Variants in MAPRE1 observed in about 807,000 individuals in gnomAD.
The protein encoded by MAPRE1 is microtubule associated protein RP/EB family member 1.
MAPRE1 carries 5 observed loss-of-function variants against 32.1 expected under a neutral mutation model. The ratio of observed to expected loss-of-function variants is 0.16; its 90% CI spans 0.08 to 0.33. The LOEUF is 0.33. Among genes scored for constraint, MAPRE1 ranks in the 10% least tolerant of loss-of-function variants. MAPRE1 has a pLI of 1.00. For missense variants in MAPRE1, 209 were observed against 327.2 expected, an observed-to-expected ratio of 0.64 and a Z score of 2.79; for synonymous variants, 122 against 118.9, an observed-to-expected ratio of 1.03 and a Z score of -0.17.
At chr20:32,845,439 A>C (rs1055324065) in intron 5 of MAPRE1, among the ~76,000 whole-genome samples, 1 of 152,166 alleles carries the variant, frequency 6.6e-6, no homozygotes, top group African/African-American at 2.4e-5. Context: ...GGTTTGGTCT[A>C]ACAAGACTTT....
At chr20:32,833,209 A>G (rs1211049355) in intron 2 of MAPRE1, among the ~76,000 whole-genome samples, 2 of 152,178 alleles carry the variant, frequency 1.3e-5, no homozygotes, top group Admixed American at 6.5e-5. Flanking sequence ...CGAAAAGAAA[A>G]GAAAAGAAAT....
intron 3 of MAPRE1, among the ~76,000 whole-genome samples, chr20:32,835,984 TG>T (rs1339588421): frequency 6.6e-6 from 1 of 150,618 alleles, no homozygotes; most frequent in Non-Finnish European, 1.5e-5. Flanking sequence ...TTTTCTTAAA[TG>T]GGGTCTCTCT....
At position 32,848,885 on chromosome 20, in the gene MAPRE1, C is replaced by G; in HGVS notation, c.*157C>G. ...AGTGCACTTTGCAGACGTTTCACTC[C>G]TTTTCCAATAAGTTTGAGTTAGGAG... On this transcript the variant is annotated 3_prime_UTR_variant, in exon 7 of 7. Coordinates refer to ENST00000375571, the MANE Select transcript of MAPRE1 (RefSeq NM_012325.3). The G allele has an allele frequency of 1.8e-6, 1 of 553,810 alleles. No individual in the cohort carries two copies. Among genetic ancestry groups the G allele is most frequent in the Non-Finnish European group, 3.1e-6 (1 of 321,334 alleles). 34.3% of individuals were successfully genotyped at this position (553,810 alleles called of 1,614,324 possible).
At chr20:32,843,849 GTT>G (rs58476543) in intron 5 of MAPRE1, among the ~76,000 whole-genome samples, 2 of 143,076 alleles carry the variant, frequency 1.4e-5, no homozygotes, top group African/African-American at 2.5e-5. Context: ...CTAGCTACAG[GTT>G]TTTTTTTTTT....
rs925653915 is a variant in MAPRE1, at chr20:32,848,884, C to G, written c.*156C>G. ...AAGTGCACTTTGCAGACGTTTCACT[C>G]CTTTTCCAATAAGTTTGAGTTAGGA... On this transcript the variant is annotated 3_prime_UTR_variant, in exon 7 of 7. Coordinates refer to ENST00000375571, the MANE Select transcript of MAPRE1 (RefSeq NM_012325.3). The G allele has an allele frequency of 9.0e-6, 5 of 554,934 alleles. No homozygotes were observed. The highest frequency in any genetic ancestry group is 1.6e-5 in the Non-Finnish European group (5 of 322,242). The allele number at this position is 554,934 out of a possible 1,614,324, so 34.4% of individuals were successfully genotyped here.
chr20:32,847,165 C>CT (rs1423512612), intron 6 of MAPRE1, among the ~76,000 whole-genome samples: 1 of 152,210 alleles, frequency 6.6e-6, no homozygotes, highest in Non-Finnish European at 1.5e-5. Context: ...CACATGCTCC[C>CT]TTTTTCACGG....
At chr20:32,845,411 G>C (rs1396228194) in intron 5 of MAPRE1, among the ~76,000 whole-genome samples, 3 of 152,154 alleles carry the variant, frequency 2.0e-5, no homozygotes, top group African/African-American at 7.2e-5. Context: ...GTGAAAGGCT[G>C]TCTAGAACTG....
intron 4 of MAPRE1, among the ~76,000 whole-genome samples, chr20:32,837,134 AG>A (rs772303046): frequency 6.6e-6 from 1 of 152,210 alleles, no homozygotes; most frequent in Non-Finnish European, 1.5e-5. Flanking sequence ...TACTGTATGC[AG>A]TTTTGCCAAA....
chr20:32,825,149 CAAAA>C (rs542454683), intron 1 of MAPRE1, among the ~76,000 whole-genome samples: 5 of 81,390 alleles, frequency 6.1e-5, no homozygotes, highest in Non-Finnish European at 5.0e-5. Context: ...AAGACTGTCT[CAAAA>C]AAAAAAAAAA....
chr20:32,829,953 T>A (rs1327322325), intron 2 of MAPRE1, among the ~76,000 whole-genome samples: 2 of 151,894 alleles, frequency 1.3e-5, no homozygotes, highest in African/African-American at 2.4e-5. Flanking sequence ...AGAGAATGAT[T>A]TTTATGAGAG....
intron 6 of MAPRE1, 65 bp downstream of exon 6, chr20:32,846,835 TG>T: frequency 2.6e-6 from 4 of 1,517,928 alleles, no homozygotes; most frequent in Non-Finnish European, 3.6e-6. Context: ...AACTCTGTGC[TG>T]ATGCTTGTTG....
chr20:32,842,147 G>T (rs1023237344), intron 5 of MAPRE1, among the ~76,000 whole-genome samples: 1 of 151,750 alleles, frequency 6.6e-6, no homozygotes, highest in Non-Finnish European at 1.5e-5. Context: ...GTGCAGTGGC[G>T]CGATCTTTGC....
intron 2 of MAPRE1, among the ~76,000 whole-genome samples, chr20:32,828,989 C>T (rs899684578): frequency 3.3e-5 from 5 of 151,506 alleles, no homozygotes; most frequent in African/African-American, 7.3e-5. Context: ...GGCGTGATCT[C>T]GGCTCACTGC....
chr20:32,821,711 C>A (rs191660000), intron 1 of MAPRE1, among the ~76,000 whole-genome samples: 1 of 152,230 alleles, frequency 6.6e-6, no homozygotes, highest in Non-Finnish European at 1.5e-5. Context: ...GGTGGCACCT[C>A]CTTCCCCCAC....
rs1395421880 is a variant in MAPRE1, at chr20:32,836,744, T to G, written c.378T>G (p.Pro126=). The part of the protein sequence containing the change: ...DANYDGKDYD[P]VAARQGQETA... ...ACTATGATGGAAAAGACTATGACCC[T>G]GTGGCTGCCAGACAAGGTCAAGAAA... Residue 126 remains proline (P), a synonymous_variant, in exon 4 of 7, where the codon CCT becomes CCG. Coordinates refer to ENST00000375571, the MANE Select transcript of MAPRE1 (RefSeq NM_012325.3). 49 of 1,613,948 alleles carry G rather than the reference T, an allele frequency of 3.0e-5. No homozygotes were observed. Among genetic ancestry groups the G allele is most frequent in the Non-Finnish European group, 3.7e-5 (44 of 1,179,936 alleles).
intron 6 of MAPRE1, among the ~76,000 whole-genome samples, chr20:32,847,704 G>C (rs1385425260): frequency 6.6e-6 from 1 of 152,204 alleles, no homozygotes; most frequent in African/African-American, 2.4e-5. Context: ...AGTAAGTTCA[G>C]CTATAGAGAT....
chr20:32,837,535 A>C (rs879595371), intron 4 of MAPRE1, among the ~76,000 whole-genome samples: 1 of 152,152 alleles, frequency 6.6e-6, no homozygotes, highest in Non-Finnish European at 1.5e-5. Context: ...TAGATACTCT[A>C]CAGATGCTAA....
intron 5 of MAPRE1, among the ~76,000 whole-genome samples, chr20:32,844,095 C>G (rs1983438003): frequency 6.6e-6 from 1 of 152,308 alleles, no homozygotes. Context: ...CTCAGGTGAT[C>G]TGGCCGTCTT....
chr20:32,821,499 C>T (rs1321611406), intron 1 of MAPRE1, among the ~76,000 whole-genome samples: 1 of 152,172 alleles, frequency 6.6e-6, no homozygotes, highest in East Asian at 1.9e-4. Flanking sequence ...TGTGGTGGTG[C>T]GTCAAAGTGC....
Sources: allele counts gnomAD v4.1 joint callset (sites outside exome capture counted in the v4.1 genomes callset), GRCh38; gene constraint gnomAD v4.1.1; transcripts MANE v1.5; gene names NCBI Gene and HGNC (gene_info 2026-07-23, HGNC 2026-07-21).